The following NEK5 variants were observed in gnomAD, a reference collection of about 807,000 sequenced individuals.
NEK5 encodes NIMA related kinase 5, also known as serine/threonine-protein kinase Nek5.
In NEK5, 88 loss-of-function variants were observed where a neutral mutation model predicts 109.2. The observed-to-expected ratio is 0.81, with a 90% CI of 0.68 to 0.96. The LOEUF (loss-of-function observed/expected upper bound fraction) is 0.96, where lower values mean the gene tolerates loss of function less well. NEK5 is among the 40% of genes least tolerant of loss of function. The pLI is 0.00. For missense variants in NEK5, 834 were observed against 920.7 expected (o/e 0.91, Z 1.22); for synonymous variants, 283 against 299.9 (o/e 0.94, Z 0.58).
intron 22 of NEK5, among the ~76,000 whole-genome samples, chr13:52,056,135 A>G (rs2137715021): frequency 6.6e-6 from 1 of 152,242 alleles, no homozygotes; most frequent in East Asian, 1.9e-4. Context: ...AAAAAAAGGC[A>G]GGGTTGCAAT....
intron 9 of NEK5, 21 bp downstream of exon 9, chr13:52,104,477 T>C: frequency 6.5e-7 from 1 of 1,533,694 alleles, no homozygotes; most frequent in Non-Finnish European, 9.0e-7. Context: ...TCAAGATTAG[T>C]CTGACAATGA....
intron 23 of NEK5, among the ~76,000 whole-genome samples, chr13:52,041,728 CAAAAAAAA>C (rs60216367): frequency 3.5e-4 from 17 of 48,120 alleles, no homozygotes; most frequent in African/African-American, 4.8e-4. Context: ...AACTCTGTCT[CAAAAAAAA>C]AAAAAAAAAA....
chr13:52,082,409 G>A (rs755403446), intron 17 of NEK5: 64 of 1,066,750 alleles, frequency 6.0e-5, no homozygotes, highest in Non-Finnish European at 6.7e-5. Context: ...CTTCTTATTC[G>A]CAAAATAAAT....
chr13:52,074,689 T>C (rs556728815), intron 19 of NEK5, among the ~76,000 whole-genome samples: 14 of 152,000 alleles, frequency 9.2e-5, no homozygotes, highest in Middle Eastern at 3.4e-3. Flanking sequence ...ACAGAGTAAA[T>C]AGACAACCTA....
intron 22 of NEK5, among the ~76,000 whole-genome samples, chr13:52,051,069 T>A (rs933673013): frequency 6.6e-6 from 1 of 151,916 alleles, no homozygotes; most frequent in African/African-American, 2.4e-5. Flanking sequence ...GGGCTTTTTT[T>A]TTTTTTTAGA....
chr13:52,097,934 AC>A (rs1443302373), intron 12 of NEK5, among the ~76,000 whole-genome samples: 1 of 152,048 alleles, frequency 6.6e-6, no homozygotes, highest in Non-Finnish European at 1.5e-5. Flanking sequence ...TTTCCCTCTT[AC>A]TGTTCTTGTG....
At chr13:52,100,271 T>C (rs1049875973) in intron 11 of NEK5, among the ~76,000 whole-genome samples, 1 of 152,126 alleles carries the variant, frequency 6.6e-6, no homozygotes, top group Non-Finnish European at 1.5e-5. Flanking sequence ...CTTCTCTCTT[T>C]TTTTTTTGTT....
chr13:52,087,842 G>A (rs574305923), intron 14 of NEK5, among the ~76,000 whole-genome samples: 38 of 151,792 alleles, frequency 2.5e-4, no homozygotes, highest in Middle Eastern at 7.0e-3. Flanking sequence ...AGCCAGGATG[G>A]TCTCAATCTC....
chr13:52,044,054 G>A (rs112454894), intron 23 of NEK5, among the ~76,000 whole-genome samples: 15,299 of 152,206 alleles, frequency 0.1, 752 homozygotes, highest in Admixed American at 0.12. Flanking sequence ...CAATCTATTC[G>A]GCTGCCAGCA....
chr13:52,046,775 TTAATC>T (rs1348257455), intron 23 of NEK5, among the ~76,000 whole-genome samples: 1 of 150,952 alleles, frequency 6.6e-6, no homozygotes, highest in Non-Finnish European at 1.5e-5. Context: ...AAATAATTGA[TTAATC>T]TAACTAAACA....
In NEK5 at chr13:52,102,229, A is replaced by C. The variant is rs753970958; in HGVS notation, c.673T>G (p.Ser225Ala). Residue 225 changes from serine (S) to alanine (A), a missense_variant, in exon 10 of 24, where the codon TCT (serine) becomes GCT (alanine). This residue lies in a region of NEK5 where 777 missense variants were observed against 824.7 expected (regional missense o/e 0.94). Coordinates refer to ENST00000684899, the MANE Select transcript of NEK5 (RefSeq NM_001365552.1). Reference sequence around the variant, plus strand: ...TGGAGCTCACGAGAAAACCCCGGAGATATTGGGGCAAAATGTGCTTGACAA... The same window carrying C: ...TGGAGCTCACGAGAAAACCCCGGAGCTATTGGGGCAAAATGTGCTTGACAA... ...KICQAHFAPI[S>A]PGFSRELHSL... 12 of 1,614,056 alleles carry C rather than the reference A, an allele frequency of 7.4e-6. No individual in the cohort carries two copies. The highest frequency in any genetic ancestry group is 1.0e-5 in the Non-Finnish European group (12 of 1,179,890).
At chr13:52,110,649 A>T (rs1257390637) in intron 5 of NEK5, 72 bp from the exon 6 acceptor site, 9 of 812,968 alleles carry the variant, frequency 1.1e-5, no homozygotes, top group Non-Finnish European at 1.8e-5. Context: ...GGTAACATGC[A>T]AAAAGATAGA....
chr13:52,101,790 C>A, intron 11 of NEK5, 143 bp downstream of exon 11: 1 of 686,654 alleles, frequency 1.5e-6, no homozygotes, highest in Admixed American at 2.4e-5. Flanking sequence ...TGCCATTTGA[C>A]AAGATGATTT....
At chr13:52,064,415 C>A (rs544809971) in intron 21 of NEK5, among the ~76,000 whole-genome samples, 2 of 145,300 alleles carry the variant, frequency 1.4e-5, no homozygotes, top group African/African-American at 2.6e-5. Context: ...GCCAGCCCCC[C>A]GCCCGGCCAG....
chr13:52,114,363 T>C (rs1955810092), intron 4 of NEK5, among the ~76,000 whole-genome samples: 1 of 152,262 alleles, frequency 6.6e-6, no homozygotes, highest in African/African-American at 2.4e-5. Context: ...ATCTATCTTT[T>C]GCTATCCTAC....
rs532823666 is a variant in NEK5, at chr13:52,034,152, T to C, written c.*2796A>G. On this transcript the variant is annotated 3_prime_UTR_variant, in exon 24 of 24. Coordinates refer to ENST00000684899, the MANE Select transcript of NEK5 (RefSeq NM_001365552.1). ...TGATCAATTTGATAGCTATCATACA[T>C]GGCTAGCAAGACACTGATTTTTCTA... The C allele has an allele frequency of 2.6e-5, 4 of 152,332 alleles. No individual in the cohort carries two copies. The highest frequency in any genetic ancestry group is 7.2e-5 in the African/African-American group (3 of 41,562). The allele number at this position is 152,332 out of a possible 1,614,324, so 9.4% of individuals were successfully genotyped here. A position where few individuals can be genotyped will look rare whatever the true frequency, so the allele number is the denominator to read the frequency against.
rs574692016 is a variant in NEK5, at chr13:52,099,482, C to T, written c.1026+261G>A. 2.0e-5 allele frequency among the ~76,000 whole-genome samples: 3 copies of T among 152,192 alleles called. No individual in the cohort carries two copies. In the South Asian group the frequency reaches 6.2e-4, roughly 32 times the overall value. ...GTCAAGAGATGGAGACCATTCTGGC[C>T]AATATGGTGAAACCCCATCTCTACC... On this transcript the variant is annotated intron_variant, in intron 12 of 23. Transcript: ENST00000684899.
intron 22 of NEK5, 25 bp downstream of exon 22, chr13:52,061,794 A>G: frequency 1.0e-6 from 1 of 970,356 alleles, no homozygotes; most frequent in Non-Finnish European, 1.2e-6. Context: ...AGGACTGGTT[A>G]TGTTGTTAAA....
At chr13:52,102,345 C>G in intron 9 of NEK5, 53 bp from the exon 10 acceptor site, 2 of 1,364,936 alleles carry the variant, frequency 1.5e-6, no homozygotes, top group Non-Finnish European at 2.1e-6. Context: ...ACTAAAGTAA[C>G]AAATAATAAA....
Sources: allele counts gnomAD v4.1 joint callset (sites outside exome capture counted in the v4.1 genomes callset), GRCh38; gene constraint gnomAD v4.1.1; regional missense constraint gnomAD v4.1.1; transcripts MANE v1.5; gene names NCBI Gene and HGNC (gene_info 2026-07-23, HGNC 2026-07-21).